The following PAK1 variants were observed in gnomAD, a reference collection of about 807,000 sequenced individuals.
PAK1 encodes serine/threonine-protein kinase PAK 1.
PAK1 carries 29 observed loss-of-function variants against 67.4 expected under a neutral mutation model. The ratio of observed to expected loss-of-function variants is 0.43; its 90% CI spans 0.32 to 0.59. The LOEUF (loss-of-function observed/expected upper bound fraction) is 0.59, where lower values mean the gene tolerates loss of function less well. Among genes scored for constraint, PAK1 ranks in the 20% least tolerant of loss-of-function variants. The pLI, the probability that PAK1 is intolerant of heterozygous loss-of-function variation, is 0.07. For synonymous variants in PAK1, 223 were observed against 237.4 expected (o/e 0.94, Z 0.56); for missense variants, 337 against 670.7 (o/e 0.50, Z 5.50).
At chr11:77,480,220 C>T in the PAK1 span, among the ~76,000 whole-genome samples, 26 of 152,256 alleles carry the variant, frequency 1.7e-4, no homozygotes, top group African/African-American at 5.5e-4. Context: ...CACATAGCTG[C>T]ATATCTTGCT....
chr11:77,408,247 A>G (rs1953923825), intron 1 of PAK1: 1 of 152,220 alleles, frequency 6.6e-6, no homozygotes, highest in African/African-American at 2.4e-5. Flanking sequence ...TACCATAATT[A>G]GCATAGAGTA....
chr11:77,491,881 C>A, the PAK1 span, among the ~76,000 whole-genome samples: 11 of 152,124 alleles, frequency 7.2e-5, no homozygotes, highest in Admixed American at 7.2e-4. Context: ...ACGCTCCAGT[C>A]AAAGACATAA....
rs1168555990 is a variant in PAK1, at chr11:77,322,898, T to C, written c.*376A>G. 3.6e-6 allele frequency: 2 copies of C among 553,952 alleles called. No homozygotes were observed. Among genetic ancestry groups the C allele is most frequent in the Non-Finnish European group, 6.4e-6 (2 of 314,546 alleles). The allele number at this position is 553,952 out of a possible 1,614,324, so 34.3% of individuals were successfully genotyped here. ...AAAGAAATCTCAATTGATTACAAAT[T>C]GATAATATTATCAAACCATAAATTT... On this transcript the variant is annotated 3_prime_UTR_variant, in exon 15 of 15. Transcript: ENST00000356341.
At chr11:77,381,172 T>A (rs942815461) in intron 2 of PAK1, among the ~76,000 whole-genome samples, 6 of 131,084 alleles carry the variant, frequency 4.6e-5, no homozygotes, top group Admixed American at 1.4e-4. Flanking sequence ...TGTGTGTGTG[T>A]GTGTAGAGAG....
At chr11:77,441,542 G>C (rs983260682) in intron 1 of PAK1, among the ~76,000 whole-genome samples, 1 of 152,162 alleles carries the variant, frequency 6.6e-6, no homozygotes, top group Admixed American at 6.5e-5. Context: ...TATTTCCTCA[G>C]CCTCTTCTCA....
chr11:77,479,197 C>G (rs1958092065), upstream of PAK1, among the ~76,000 whole-genome samples: 1 of 152,004 alleles, frequency 6.6e-6, no homozygotes, highest in South Asian at 2.1e-4. Flanking sequence ...AAGAAGCATA[C>G]CGTCACGAGT....
chr11:77,457,632 T>G (rs1350275363), intron 1 of PAK1, among the ~76,000 whole-genome samples: 1 of 152,180 alleles, frequency 6.6e-6, no homozygotes, highest in Non-Finnish European at 1.5e-5. Flanking sequence ...AGGTCAGGCA[T>G]GGCATTTGGT....
intron 1 of PAK1, among the ~76,000 whole-genome samples, chr11:77,420,177 AG>A (rs1287904561): frequency 1.3e-5 from 2 of 152,196 alleles, no homozygotes; most frequent in East Asian, 3.9e-4. Flanking sequence ...AATTTTTCAT[AG>A]AGCTACTGAG....
the PAK1 span, among the ~76,000 whole-genome samples, chr11:77,516,501 A>G: frequency 6.6e-6 from 1 of 152,204 alleles, no homozygotes; most frequent in African/African-American, 2.4e-5. Flanking sequence ...TACTTAGAAC[A>G]TATTAAGCAG....
chr11:77,485,920 C>T, the PAK1 span, among the ~76,000 whole-genome samples: 2 of 152,194 alleles, frequency 1.3e-5, no homozygotes, highest in East Asian at 1.9e-4. Context: ...ACCTCTCTTA[C>T]GGTAAAAGAG....
chr11:77,331,892 G>A (rs2136099549), intron 14 of PAK1, among the ~76,000 whole-genome samples: 2 of 152,038 alleles, frequency 1.3e-5, no homozygotes, highest in East Asian at 1.9e-4. Flanking sequence ...TATCCTTTGA[G>A]CTAATCCCAG....
chr11:77,335,296 A>G (rs1300016696), intron 13 of PAK1, among the ~76,000 whole-genome samples: 1 of 152,108 alleles, frequency 6.6e-6, no homozygotes, highest in Non-Finnish European at 1.5e-5. Flanking sequence ...CTGACTTCTC[A>G]CCCTTGAACT....
chr11:77,413,690 A>T (rs1274807741), intron 1 of PAK1, among the ~76,000 whole-genome samples: 2 of 152,180 alleles, frequency 1.3e-5, no homozygotes, highest in Admixed American at 6.5e-5. Flanking sequence ...TCTCAAAAAA[A>T]GAAAAAGGAA....
chr11:77,332,839 G>GTC lies in PAK1; in HGVS notation c.1440_1441dup (p.Thr481ArgfsTer19). The GTC allele has an allele frequency of 6.2e-7, 1 of 1,613,620 alleles. No individual in the cohort carries two copies. ...CTTCTCTGGGTTCTGAAGTTCTGGG[G>GTC]TCCCATTGGTGGCAATGAGGTACAA... On this transcript the variant is annotated frameshift_variant, in exon 14 of 15. Coordinates refer to ENST00000356341, the MANE Select transcript of PAK1 (RefSeq NM_002576.5). LOFTEE classifies it high-confidence loss of function.
At chr11:77,494,892 G>A in the PAK1 span, among the ~76,000 whole-genome samples, 12 of 152,208 alleles carry the variant, frequency 7.9e-5, no homozygotes, top group East Asian at 1.4e-3. Flanking sequence ...GGCTGGGCGC[G>A]GTGGCTCACA....
intron 1 of PAK1, among the ~76,000 whole-genome samples, chr11:77,466,743 T>A (rs1047725037): frequency 6.6e-6 from 1 of 152,176 alleles, no homozygotes; most frequent in African/African-American, 2.4e-5. Flanking sequence ...GCTTACCTGA[T>A]TCCCTACCAC....
At position 77,460,179 on chromosome 11, in the gene PAK1, A is replaced by T. The variant is rs147579325; in HGVS notation, c.-22+13373T>A. On this transcript the variant is annotated intron_variant, in intron 1 of 14. Transcript: ENST00000356341. Reference sequence around the variant, plus strand: ...GAATAGAAAAAAAAAAAAAGGGATGAAAAGGAAAAAGGGAGAGAGAAAAAG... The same window carrying T: ...GAATAGAAAAAAAAAAAAAGGGATGTAAAGGAAAAAGGGAGAGAGAAAAAG... 4.9e-3 allele frequency among the ~76,000 whole-genome samples: 741 copies of T among 151,138 alleles called. 7 individuals carry two copies. The highest frequency in any genetic ancestry group is 0.017 in the African/African-American group (694 of 41,234).
chr11:77,422,267 A>G (rs765341241), intron 1 of PAK1, among the ~76,000 whole-genome samples: 5 of 152,258 alleles, frequency 3.3e-5, no homozygotes, highest in South Asian at 2.1e-4. Flanking sequence ...CCATATTAAA[A>G]AGTCACTAAA....
the PAK1 span, among the ~76,000 whole-genome samples, chr11:77,486,327 G>A: frequency 2.0e-5 from 3 of 151,866 alleles, no homozygotes; most frequent in African/African-American, 7.3e-5. Flanking sequence ...AACATAGCAA[G>A]ATCCCATCTC....
Sources: allele counts gnomAD v4.1 joint callset (sites outside exome capture counted in the v4.1 genomes callset), GRCh38; gene constraint gnomAD v4.1.1; transcripts MANE v1.5; gene names NCBI Gene and HGNC (gene_info 2026-07-23, HGNC 2026-07-21).